Variants in FNTA observed in about 807,000 individuals in gnomAD.
FNTA encodes protein farnesyltransferase/geranylgeranyltransferase type-1 subunit alpha.
Under a neutral mutation model 55.2 loss-of-function variants are expected in FNTA, and 27 were observed. That is an observed-to-expected ratio of 0.49 (90% confidence interval 0.36 to 0.67). The LOEUF is 0.67. FNTA is among the 30% of genes least tolerant of loss of function. The pLI is 0.00. For synonymous variants in FNTA, 176 were observed against 170.7 expected (o/e 1.03, Z -0.24); for missense variants, 422 against 464.7 (o/e 0.91, Z 0.85).
chr8:43,068,992 G>A (rs1369537193), intron 3 of FNTA, among the ~76,000 whole-genome samples: 3 of 151,728 alleles, frequency 2.0e-5, no homozygotes, highest in Non-Finnish European at 1.5e-5. Context: ...GGTTACAGGC[G>A]TGAGCCACTG....
chr8:43,082,922 T>G, intron 6 of FNTA, 196 bp from the exon 7 acceptor site: 1 of 352,634 alleles, frequency 2.8e-6, no homozygotes, highest in South Asian at 3.5e-5. Context: ...GGTGGGCGCC[T>G]GTAGTCCCAG....
intron 6 of FNTA, chr8:43,077,847 A>G (rs1423900005): frequency 1.3e-5 from 2 of 152,322 alleles, no homozygotes; most frequent in Non-Finnish European, 1.5e-5. Context: ...GAACCGCTCT[A>G]TACAAAGAGC....
intron 2 of FNTA, among the ~76,000 whole-genome samples, chr8:43,061,617 G>A (rs1460234544): frequency 6.6e-6 from 1 of 152,122 alleles, no homozygotes; most frequent in African/African-American, 2.4e-5. Context: ...CTATATAACC[G>A]TTAAGAGGAT....
At chr8:43,069,506 G>A (rs774468032) in intron 3 of FNTA, 49 bp from the exon 4 acceptor site, 3 of 1,139,800 alleles carry the variant, frequency 2.6e-6, no homozygotes, top group Non-Finnish European at 2.6e-6. Flanking sequence ...TTGTTATTAG[G>A]GAACTTCTGT....
chr8:43,085,045 C>T, intron 8 of FNTA, 115 bp from the exon 9 acceptor site: 1 of 1,133,118 alleles, frequency 8.8e-7, no homozygotes, highest in Non-Finnish European at 1.3e-6. Context: ...CAGCCGGTGA[C>T]TCTTAATAGT....
At position 43,059,189 on chromosome 8, in the gene FNTA, T is replaced by G; in HGVS notation, c.286+12T>G. The G allele has an allele frequency of 6.3e-7, 1 of 1,590,402 alleles. No homozygotes were observed. The highest frequency in any genetic ancestry group is 8.6e-7 in the Non-Finnish European group (1 of 1,162,244). On this transcript the variant is annotated intron_variant, in intron 2 of 8. Transcript: ENST00000302279. Reference sequence around the variant, plus strand: ...TTATAGTGACAAATGTAAGTTTGTTTATATTAGGAAAAGGTCTGTAAGTTA... The same window carrying G: ...TTATAGTGACAAATGTAAGTTTGTTGATATTAGGAAAAGGTCTGTAAGTTA...
intron 1 of FNTA, 100 bp from the exon 2 acceptor site, chr8:43,058,992 A>T (rs1810473859): frequency 3.6e-6 from 3 of 830,146 alleles, no homozygotes. Flanking sequence ...GTAAGTTATT[A>T]ATATCAATGT....
At chr8:43,077,128 A>C in intron 5 of FNTA, 88 bp from the exon 6 acceptor site, 2 of 915,066 alleles carry the variant, frequency 2.2e-6, no homozygotes, top group Non-Finnish European at 3.2e-6. Context: ...CCTCAGTTCT[A>C]CCTTCTTTGT....
At chr8:43,076,134 C>T (rs1382381669) in intron 5 of FNTA, among the ~76,000 whole-genome samples, 1 of 152,174 alleles carries the variant, frequency 6.6e-6, no homozygotes, top group Admixed American at 6.5e-5. Flanking sequence ...ACCTCCACCT[C>T]ACGGGTTCAA....
chr8:43,072,976 GT>G (rs1810827790), intron 5 of FNTA, among the ~76,000 whole-genome samples: 1 of 151,994 alleles, frequency 6.6e-6, no homozygotes, highest in African/African-American at 2.4e-5. Context: ...AGTAACTTAA[GT>G]TTTTTATTTC....
chr8:43,071,408 C>A (rs1442874932), intron 4 of FNTA, among the ~76,000 whole-genome samples: 1 of 152,216 alleles, frequency 6.6e-6, no homozygotes, highest in African/African-American at 2.4e-5. Context: ...CGGTGGCTCA[C>A]GTCTGTAATC....
At chr8:43,060,099 C>A (rs140331371) in intron 2 of FNTA, among the ~76,000 whole-genome samples, 1 of 152,038 alleles carries the variant, frequency 6.6e-6, no homozygotes, top group Non-Finnish European at 1.5e-5. Context: ...GGATGGAGAA[C>A]GTATTAGGCA....
At chr8:43,076,954 AG>A in intron 5 of FNTA, 1 of 301,468 alleles carries the variant, frequency 3.3e-6, no homozygotes. Context: ...TTCTCTTACT[AG>A]TGAGTTTGGG....
intron 5 of FNTA, 132 bp downstream of exon 5, chr8:43,072,439 T>C: frequency 1.9e-6 from 1 of 531,206 alleles, no homozygotes; most frequent in South Asian, 5.4e-5. Context: ...TAACTAAAAA[T>C]TATTGGCCAT....
chr8:43,073,274 C>T (rs979299298), intron 5 of FNTA, among the ~76,000 whole-genome samples: 2 of 152,168 alleles, frequency 1.3e-5, no homozygotes, highest in Non-Finnish European at 2.9e-5. Context: ...ATACATTTTA[C>T]ACATACAGCT....
rs771334589 is a variant in FNTA at position 43,069,599 on chromosome 8, A to G, written c.446A>G (p.His149Arg). 51 of 1,613,676 alleles carry G rather than the reference A, an allele frequency of 3.2e-5. No homozygotes were observed. The highest frequency in any genetic ancestry group is 4.2e-5 in the Non-Finnish European group (49 of 1,179,712). Residue 149 changes from histidine to arginine, a missense_variant, in exon 4 of 9, where the codon CAT (histidine) becomes CGT (arginine). Around this residue, in one of 2 missense-constraint regions of FNTA, gnomAD observed 262 missense variants for 343.1 expected, o/e 0.76. Coordinates refer to ENST00000302279, the MANE Select transcript of FNTA (RefSeq NM_002027.3). ...VLLKSLQKDL[H>R]EEMNYITAII... Reference sequence around the variant, plus strand: ...TTGAAGTCACTTCAGAAGGATCTACATGAGGAAATGAACTACATCACTGCA... The same window carrying G: ...TTGAAGTCACTTCAGAAGGATCTACGTGAGGAAATGAACTACATCACTGCA...
chr8:43,075,082 A>C (rs1490831549), intron 5 of FNTA, among the ~76,000 whole-genome samples: 1 of 152,194 alleles, frequency 6.6e-6, no homozygotes, highest in Non-Finnish European at 1.5e-5. Flanking sequence ...CATGAGTCTG[A>C]AAACAAATAG....
chr8:43,062,431 G>A (rs751350147), intron 2 of FNTA, among the ~76,000 whole-genome samples: 37 of 151,822 alleles, frequency 2.4e-4, no homozygotes, highest in Admixed American at 1.7e-3. Flanking sequence ...ACAGGCATGT[G>A]TCACCATGCC....
intron 6 of FNTA, chr8:43,082,865 G>GT (rs1811052676): frequency 3.9e-6 from 1 of 257,708 alleles, no homozygotes; most frequent in African/African-American, 2.3e-5. Context: ...GGCCAATATG[G>GT]TGAAACCCTG....
Sources: gnomAD v4.1 joint callset for allele counts (sites outside exome capture counted in the v4.1 genomes callset) on GRCh38, gnomAD v4.1.1 for gene constraint, gnomAD v4.1.1 regional missense constraint, MANE v1.5 for transcripts, NCBI Gene and HGNC (gene_info 2026-07-23, HGNC 2026-07-21) for gene names.